Variants in MYB observed in about 807,000 individuals in gnomAD.
MYB encodes the protein MYB proto-oncogene, transcription factor.
In MYB, 28 loss-of-function variants were observed where a neutral mutation model predicts 92.9. That is an observed-to-expected ratio of 0.30 (90% CI 0.22 to 0.41). The LOEUF (loss-of-function observed/expected upper bound fraction) is 0.41, where lower values mean the gene tolerates loss of function less well. Ranked by LOEUF, MYB falls within the 10% of genes least tolerant of loss-of-function variation. The pLI is 1.00. For synonymous variants in MYB, 295 were observed against 329.1 expected (o/e 0.90, Z 1.12); for missense variants, 679 against 929.3 (o/e 0.73, Z 3.50).
intron 13 of MYB, among the ~76,000 whole-genome samples, chr6:135,201,076 C>CA (rs1185452395): frequency 2.0e-5 from 3 of 151,552 alleles, no homozygotes; most frequent in Admixed American, 6.6e-5. Flanking sequence ...GACTCCGTCT[C>CA]AAAAAAAATA....
intron 10 of MYB, 140 bp from the exon 11 acceptor site, chr6:135,198,768 A>G (rs561331648): frequency 1.5e-5 from 10 of 663,324 alleles, no homozygotes; most frequent in South Asian, 4.8e-5. Context: ...CCTAGTCAAT[A>G]TAACATGCTT....
intron 2 of MYB, 69 bp downstream of exon 2, chr6:135,186,089 A>G (rs1775869962): frequency 1.1e-5 from 15 of 1,325,284 alleles, no homozygotes; most frequent in South Asian, 6.1e-5. Context: ...CAAAATTTCA[A>G]CTAAACTACA....
chr6:135,208,921 C>T (rs760796989), intron 15 of MYB, among the ~76,000 whole-genome samples: 5 of 152,182 alleles, frequency 3.3e-5, no homozygotes, highest in Non-Finnish European at 7.3e-5. Flanking sequence ...CTCTTTTACT[C>T]TCTAGTCCAG....
At chr6:135,186,404 T>A (rs954802026) in intron 2 of MYB, among the ~76,000 whole-genome samples, 2 of 152,228 alleles carry the variant, frequency 1.3e-5, no homozygotes, top group Non-Finnish European at 2.9e-5. Context: ...TGGGTGCATG[T>A]TCTACTTTAT....
chr6:135,203,545 A>G (rs750497444), intron 15 of MYB: 22 of 682,452 alleles, frequency 3.2e-5, no homozygotes, highest in Admixed American at 6.1e-5. Flanking sequence ...AATTTTTATC[A>G]GTGCAGATTC....
In MYB at chr6:135,199,981, C is replaced by T. The variant is rs1777836365; in HGVS notation, c.1710-104C>T. 4.5e-6 allele frequency: 4 copies of T among 879,918 alleles called. No homozygotes were observed. In the East Asian group the frequency reaches 1.0e-4, roughly 22 times the overall value. 54.5% of individuals were successfully genotyped at this position (879,918 alleles called of 1,614,324 possible). ...GCACACCCCAATTCCATATCCGGAA[C>T]AGAGTTTATTGTATTCAGTGGAAAA... On this transcript the variant is annotated intron_variant, in intron 11 of 15. Coordinates refer to ENST00000341911, the MANE Select transcript of MYB (RefSeq NM_001130173.2).
intron 14 of MYB, 36 bp from the exon 15 acceptor site, chr6:135,203,181 C>A: frequency 1.4e-6 from 2 of 1,452,754 alleles, no homozygotes; most frequent in East Asian, 2.3e-5. Flanking sequence ...TATTATCCAA[C>A]CTCATTTAAA....
chr6:135,201,525 T>TTTA, intron 13 of MYB, 114 bp from the exon 14 acceptor site: 2 of 579,512 alleles, frequency 3.5e-6, no homozygotes, highest in Middle Eastern at 3.1e-4. Flanking sequence ...ATAGTGTAAG[T>TTTA]TAGCAACATA....
intron 15 of MYB, among the ~76,000 whole-genome samples, chr6:135,204,258 G>T (rs3819409): frequency 0.45 from 69,017 of 151,994 alleles, 16,351 homozygotes; most frequent in African/African-American, 0.6. Context: ...AAACTTGCCC[G>T]GTAAGTATTT....
rs148508251 is a variant in MYB, at chr6:135,217,925, C to G, written c.2231C>G (p.Ser744Cys). Reference protein sequence around the residue: ...CGKMEEQMTSSSQARKYVNAF... With the variant: ...CGKMEEQMTSCSQARKYVNAF... ...AAGATGGAGGAGCAGATGACATCTT[C>G]CAGTCAAGCTCGTAAATACGTGAAT... Residue 744 changes from serine to cysteine, a missense_variant, in exon 16 of 16, where the codon TCC (serine) becomes TGC (cysteine). Coordinates refer to ENST00000341911, the MANE Select transcript of MYB (RefSeq NM_001130173.2). 2.5e-6 allele frequency: 4 copies of G among 1,613,438 alleles called. No individual in the cohort carries two copies. In the African/African-American group the frequency reaches 4.0e-5, roughly 16 times the overall value.
At chr6:135,204,524 A>G (rs1309266149) in intron 15 of MYB, among the ~76,000 whole-genome samples, 1 of 151,958 alleles carries the variant, frequency 6.6e-6, no homozygotes, top group Admixed American at 6.6e-5. Flanking sequence ...GCAGGTCTCG[A>G]ATTCCTGGTT....
At chr6:135,192,262 A>G (rs563366647) in intron 5 of MYB, 62 bp from the exon 6 acceptor site, 953 of 1,374,752 alleles carry the variant, frequency 6.9e-4, no homozygotes, top group Non-Finnish European at 8.8e-4. Context: ...TTTTCTGTCA[A>G]TTCACTTTAA....
Position 135,181,359 on chromosome 6 carries a change from ACCT to A in MYB, c.-144_-142del, listed in dbSNP as rs1439293422. On this transcript the variant is annotated 5_prime_UTR_variant, in exon 1 of 16. Coordinates refer to ENST00000341911, the MANE Select transcript of MYB (RefSeq NM_001130173.2). The surrounding 1 kb of genome is among the most constrained non-coding windows in gnomAD (Gnocchi z 5.3). ...CTCCTCCTTCTCCTCCTCCTCCGTG[ACCT>A]CCTCCTCCTCTTTCTCCTGAGAAAC... 1.1e-4 allele frequency: 28 copies of A among 258,640 alleles called. No individual in the cohort carries two copies. Among genetic ancestry groups the A allele is most frequent in the South Asian group, 7.5e-4 (7 of 9,272 alleles). 16.0% of individuals were successfully genotyped at this position (258,640 alleles called of 1,614,324 possible).
chr6:135,207,591 T>C (rs1562392826), intron 15 of MYB, among the ~76,000 whole-genome samples: 1 of 152,236 alleles, frequency 6.6e-6, no homozygotes, highest in African/African-American at 2.4e-5. Context: ...TATATATAAA[T>C]TATGTTTGCT....
rs1038248184 is a variant in MYB, at chr6:135,206,131, A to G, written c.2169+2807A>G. On this transcript the variant is annotated intron_variant, in intron 15 of 15. Coordinates refer to ENST00000341911, the MANE Select transcript of MYB (RefSeq NM_001130173.2). ...TGAGGCAGGAGAATGGCATGAACCC[A>G]GGAGGCGGAGCTTGCAGTGAGCTGA... 9.0e-5 allele frequency among the ~76,000 whole-genome samples: 13 copies of G among 143,884 alleles called. No homozygotes were observed. The South Asian group carries it at 2.0e-3, about 23-fold the overall frequency. 94.4% of individuals were successfully genotyped at this position (143,884 alleles called of 152,430 possible). A position where few individuals can be genotyped will look rare whatever the true frequency, so the allele number is the denominator to read the frequency against.
At chr6:135,205,568 A>T (rs1778747687) in intron 15 of MYB, among the ~76,000 whole-genome samples, 1 of 152,188 alleles carries the variant, frequency 6.6e-6, no homozygotes, top group Admixed American at 6.5e-5. Context: ...CTATTTTATT[A>T]ATCTGTATTC....
intron 15 of MYB, among the ~76,000 whole-genome samples, chr6:135,213,344 G>A (rs1460246527): frequency 6.6e-6 from 1 of 152,126 alleles, no homozygotes; most frequent in Admixed American, 6.5e-5. Flanking sequence ...ATTTGGAAAG[G>A]TCTCTCAGAA....
intron 5 of MYB, 122 bp from the exon 6 acceptor site, chr6:135,192,199 TAAA>T: frequency 1.4e-6 from 1 of 740,052 alleles, no homozygotes; most frequent in Non-Finnish European, 2.3e-6. Context: ...AGGAAACAAT[TAAA>T]AAGAGAAAAC....
chr6:135,195,251 G>A (rs765499926), intron 8 of MYB: 6 of 410,304 alleles, frequency 1.5e-5, no homozygotes, highest in African/African-American at 2.1e-5. Flanking sequence ...TCCTAACCAC[G>A]TTGATTTGGC....
Sources: allele counts gnomAD v4.1 joint callset (sites outside exome capture counted in the v4.1 genomes callset), GRCh38; gene constraint gnomAD v4.1.1; non-coding constraint Gnocchi (gnomAD v3.1); transcripts MANE v1.5; gene names NCBI Gene and HGNC (gene_info 2026-07-23, HGNC 2026-07-21).